The following KIAA0586 variants were observed in gnomAD, a reference collection of about 807,000 sequenced individuals.
KIAA0586 encodes the protein KIAA0586.
Under a neutral mutation model 169.8 loss-of-function variants are expected in KIAA0586, and 144 were observed. That is an observed-to-expected ratio of 0.85 (90% CI 0.74 to 0.97). KIAA0586 has a LOEUF of 0.97. KIAA0586 is among the 50% of genes least tolerant of loss of function. The pLI is 0.00. For missense variants in KIAA0586, 1,854 were observed against 1,823.0 expected (o/e 1.02, Z -0.31); for synonymous variants, 625 against 612.4 (o/e 1.02, Z -0.30).
rs1367427172 is a variant in KIAA0586 at position 58,428,204 on chromosome 14, T to C, written c.-61T>C. ...GAGGTGAAAATTTTGTTCTGAAGTC[T>C]TAAGGAAACAGAGAAAGTTTTTCCG... is the stretch of plus-strand genomic sequence containing the variant. On this transcript the variant is annotated 5_prime_UTR_variant, in exon 1 of 31. Transcript: ENST00000652326. The C allele has an allele frequency of 6.4e-7, 1 of 1,557,340 alleles. No homozygotes were observed.
chr14:58,467,972 TG>T (rs1369286687), intron 16 of KIAA0586, 50 bp downstream of exon 16: 4 of 1,306,870 alleles, frequency 3.1e-6, no homozygotes, highest in African/African-American at 1.5e-5. Flanking sequence ...AAAATTTTTT[TG>T]CTTAACGTTA....
At chr14:58,521,967 C>T in intron 29 of KIAA0586, 1 of 1,364,766 alleles carries the variant, frequency 7.3e-7, no homozygotes, top group East Asian at 2.3e-5. Context: ...ACAGAGACAG[C>T]ACCAATGGCG....
rs1287491868 is a variant in KIAA0586, at chr14:58,462,986, G to A, written c.2059+1826G>A. Among the ~76,000 whole-genome samples the A allele has an allele frequency of 3.9e-5, 6 of 152,230 alleles. No individual in the cohort carries two copies. In the East Asian group the frequency reaches 1.2e-3, roughly 29 times the overall value. On this transcript the variant is annotated intron_variant, in intron 14 of 30. Coordinates refer to ENST00000652326, the MANE Select transcript of KIAA0586 (RefSeq NM_001329943.3). ...TCTCCCACCAGGTCTCTCCCGTGAC[G>A]CATGGGGATCAATTTGAGATGAGAT...
chr14:58,521,333 T>C, intron 29 of KIAA0586: 3 of 1,064,172 alleles, frequency 2.8e-6, no homozygotes, highest in Non-Finnish European at 4.3e-6. Flanking sequence ...AGGCAGTCTT[T>C]TCAAAGTATT....
intron 17 of KIAA0586, 127 bp from the exon 18 acceptor site, chr14:58,472,072 G>C: frequency 2.3e-6 from 1 of 432,910 alleles, no homozygotes; most frequent in South Asian, 6.0e-5. Context: ...ATTCTGAATA[G>C]GGTATTAAAA....
At chr14:58,547,144 C>T (rs187690113) in intron 30 of KIAA0586, among the ~76,000 whole-genome samples, 142 of 138,334 alleles carry the variant, frequency 1.0e-3, no homozygotes, top group African/African-American at 3.8e-3. Flanking sequence ...TGGCTGATAT[C>T]TTACCTCTTT....
intron 19 of KIAA0586, among the ~76,000 whole-genome samples, chr14:58,476,163 A>C (rs2041605170): frequency 6.6e-6 from 1 of 152,140 alleles, no homozygotes; most frequent in African/African-American, 2.4e-5. Flanking sequence ...TACCAAATTA[A>C]CTGTGTTTAT....
intron 27 of KIAA0586, among the ~76,000 whole-genome samples, chr14:58,506,442 A>G (rs1464286453): frequency 6.6e-5 from 10 of 151,146 alleles, no homozygotes; most frequent in Admixed American, 6.6e-4. Context: ...ACTTTGGGAG[A>G]ACGAGGTGAG....
chr14:58,440,155 T>TTAC, intron 4 of KIAA0586: 1 of 445,582 alleles, frequency 2.2e-6, no homozygotes. Flanking sequence ...AGTGCTAGGA[T>TTAC]TACAGGCATG....
intron 21 of KIAA0586, 135 bp from the exon 22 acceptor site, chr14:58,486,872 A>T (rs1595336966): frequency 1.8e-6 from 1 of 561,996 alleles, no homozygotes; most frequent in African/African-American, 1.9e-5. Flanking sequence ...TAACAGGTAG[A>T]GGTTCAAGAG....
intron 6 of KIAA0586, 22 bp downstream of exon 6, chr14:58,444,197 C>T (rs767954982): frequency 1.4e-6 from 2 of 1,445,550 alleles, no homozygotes. Context: ...AAATCCAGTA[C>T]AGATTCCATA....
chr14:58,527,060 T>G (rs57701993), intron 29 of KIAA0586, among the ~76,000 whole-genome samples: 36 of 152,048 alleles, frequency 2.4e-4, no homozygotes, highest in African/African-American at 7.0e-4. Context: ...TGAAGCATAC[T>G]CAAGTATCAA....
chr14:58,470,082 G>A (rs1373346858), intron 16 of KIAA0586, among the ~76,000 whole-genome samples: 2 of 151,486 alleles, frequency 1.3e-5, no homozygotes, highest in African/African-American at 2.4e-5. Context: ...GAAAATGTGT[G>A]TGTGTGTGTG....
the KIAA0586 span, among the ~76,000 whole-genome samples, chr14:58,560,766 C>G: frequency 6.6e-6 from 1 of 152,316 alleles, no homozygotes; most frequent in East Asian, 1.9e-4. Flanking sequence ...AGGTACCGTT[C>G]TAAAGTGACT....
intron 16 of KIAA0586, among the ~76,000 whole-genome samples, chr14:58,469,877 C>T (rs1307118569): frequency 1.3e-5 from 2 of 152,076 alleles, no homozygotes; most frequent in African/African-American, 4.8e-5. Flanking sequence ...ATTGCTGAAA[C>T]AATCATATTA....
chr14:58,543,117 A>G (rs1487931451), intron 30 of KIAA0586, among the ~76,000 whole-genome samples: 7 of 137,090 alleles, frequency 5.1e-5, no homozygotes, highest in South Asian at 5.1e-4. Flanking sequence ...GGGTGACAAA[A>G]CGAGATTACG....
At chr14:58,539,139 T>C (rs1232035132) in intron 29 of KIAA0586, among the ~76,000 whole-genome samples, 1 of 152,198 alleles carries the variant, frequency 6.6e-6, no homozygotes, top group Non-Finnish European at 1.5e-5. Flanking sequence ...TCTTTCTGTG[T>C]CTGGTTTATT....
intron 30 of KIAA0586, among the ~76,000 whole-genome samples, chr14:58,543,275 T>C (rs2046773444): frequency 1.3e-5 from 2 of 152,194 alleles, no homozygotes; most frequent in Non-Finnish European, 2.9e-5. Context: ...TACCTATTTT[T>C]CTTTATAGTA....
chr14:58,440,405 C>T (rs1487547932), intron 4 of KIAA0586, among the ~76,000 whole-genome samples: 1 of 152,116 alleles, frequency 6.6e-6, no homozygotes, highest in Non-Finnish European at 1.5e-5. Flanking sequence ...GATCTCTGCT[C>T]ACTGCAACCT....
Sources: gnomAD v4.1 joint callset for allele counts (sites outside exome capture counted in the v4.1 genomes callset) on GRCh38, gnomAD v4.1.1 for gene constraint, MANE v1.5 for transcripts, NCBI Gene and HGNC (gene_info 2026-07-23, HGNC 2026-07-21) for gene names.